PPIG: variants seen among roughly 807,000 people sequenced by gnomAD.
PPIG encodes peptidyl-prolyl cis-trans isomerase G.
Under a neutral mutation model 87.9 loss-of-function variants are expected in PPIG, and 26 were observed. The ratio of observed to expected loss-of-function variants is 0.30; its 90% CI spans 0.22 to 0.41. The LOEUF is 0.41. PPIG is among the 10% of genes least tolerant of loss of function. The pLI is 1.00. For missense variants in PPIG, 722 were observed against 879.4 expected (o/e 0.82, Z 2.26); for synonymous variants, 308 against 276.5 (o/e 1.11, Z -1.13).
intron 4 of PPIG, among the ~76,000 whole-genome samples, chr2:169,605,424 GC>G (rs1685296695): frequency 1.3e-5 from 2 of 151,994 alleles, no homozygotes; most frequent in African/African-American, 4.8e-5. Flanking sequence ...ATTCGCTTGA[GC>G]CCAGGAGGCG....
intron 9 of PPIG, among the ~76,000 whole-genome samples, chr2:169,628,939 CAAAA>C (rs71006010): frequency 3.2e-5 from 3 of 92,348 alleles, no homozygotes; most frequent in East Asian, 4.3e-4. Context: ...ACCCTGTCTC[CAAAA>C]AAAAAAAAAA....
At chr2:169,622,720 G>A (rs1446498124) in intron 9 of PPIG, among the ~76,000 whole-genome samples, 1 of 152,134 alleles carries the variant, frequency 6.6e-6, no homozygotes, top group Non-Finnish European at 1.5e-5. Flanking sequence ...ACACACACTT[G>A]GGCCCCTGTT....
At chr2:169,593,247 T>C (rs1684916970) in intron 1 of PPIG, among the ~76,000 whole-genome samples, 1 of 151,970 alleles carries the variant, frequency 6.6e-6, no homozygotes, top group African/African-American at 2.4e-5. Context: ...CAGGGTGGAG[T>C]GCAATGGCAC....
chr2:169,617,146 GTT>G (rs1349194959), intron 9 of PPIG, among the ~76,000 whole-genome samples: 3 of 152,084 alleles, frequency 2.0e-5, no homozygotes, highest in Admixed American at 6.5e-5. Flanking sequence ...TTTTTGTCAG[GTT>G]TGTCAAAGAT....
rs1046547982 is a variant in PPIG at position 169,638,082 on chromosome 2, C to G, written c.*559C>G. ...AGATGTATTTATATTGCACTTCATA[C>G]TCTATTCTTTATAGTTCGAGCCATA... is the stretch of plus-strand genomic sequence containing the variant. On this transcript the variant is annotated 3_prime_UTR_variant, in exon 14 of 14. Coordinates refer to ENST00000260970, the MANE Select transcript of PPIG (RefSeq NM_004792.3). The G allele has an allele frequency of 1.3e-5, 2 of 152,080 alleles. No homozygotes were observed. The highest frequency in any genetic ancestry group is 2.9e-5 in the Non-Finnish European group (2 of 67,992). 9.4% of individuals were successfully genotyped at this position (152,080 alleles called of 1,614,324 possible). A position where few individuals can be genotyped will look rare whatever the true frequency, so the allele number is the denominator to read the frequency against.
chr2:169,598,400 C>T (rs1375445489), intron 1 of PPIG, among the ~76,000 whole-genome samples: 1 of 152,078 alleles, frequency 6.6e-6, no homozygotes, highest in Non-Finnish European at 1.5e-5. Context: ...ACACCTTTCT[C>T]CTGCCTCAGC....
chr2:169,612,933 C>T (rs534056849), intron 7 of PPIG, among the ~76,000 whole-genome samples: 1 of 152,266 alleles, frequency 6.6e-6, no homozygotes, highest in East Asian at 1.9e-4. Flanking sequence ...ATAGTGGTTG[C>T]ACCATTCTAC....
intron 9 of PPIG, among the ~76,000 whole-genome samples, chr2:169,624,120 C>A (rs1044972443): frequency 2.6e-5 from 4 of 152,088 alleles, no homozygotes; most frequent in Non-Finnish European, 4.4e-5. Context: ...GTGTGCATTG[C>A]CACACCTGGC....
rs1172270622 is a variant in PPIG, at chr2:169,604,246, C to T, written c.121C>T (p.Arg41Cys). ...GTGCCCCAAAACATGCGAGAACTTT[C>T]GTTGTCTTTGTACAGGTTTGTTCAC... ...DVCPKTCENF[R>C]CLCTGEKGTG... Residue 41 changes from arginine to cysteine, a missense_variant, in exon 4 of 14, where the codon CGT (arginine) becomes TGT (cysteine). By Grantham distance (180) the Arg-to-Cys change is radical (BLOSUM62 -3). Coordinates refer to ENST00000260970, the MANE Select transcript of PPIG (RefSeq NM_004792.3). 5 of 1,601,676 alleles carry T rather than the reference C, an allele frequency of 3.1e-6. No individual in the cohort carries two copies. Among genetic ancestry groups the T allele is most frequent in the African/African-American group, 1.4e-5 (1 of 73,394 alleles).
intron 1 of PPIG, among the ~76,000 whole-genome samples, chr2:169,595,031 C>T (rs1684981237): frequency 6.6e-6 from 1 of 151,982 alleles, no homozygotes; most frequent in African/African-American, 2.4e-5. Context: ...CGGGTTCAAG[C>T]GATTCTCCTG....
At chr2:169,634,477 T>G (rs1686135274) in intron 12 of PPIG, among the ~76,000 whole-genome samples, 2 of 152,176 alleles carry the variant, frequency 1.3e-5, no homozygotes, top group African/African-American at 4.8e-5. Flanking sequence ...GTCAAATTTT[T>G]ATCGGCATTT....
rs1293303860 is a variant in PPIG at position 169,584,410 on chromosome 2, T to C, written c.-150T>C. ...GGGGGAGGGAGGCGGTTAGCGGGCT[T>C]TAGCGCCTTTTCTGGCGGCGGTAGA... is the stretch of plus-strand genomic sequence containing the variant. On this transcript the variant is annotated 5_prime_UTR_variant, in exon 1 of 14. Transcript: ENST00000260970. 3 of 471,066 alleles carry C rather than the reference T, an allele frequency of 6.4e-6. No individual in the cohort carries two copies. Among genetic ancestry groups the C allele is most frequent in the Non-Finnish European group, 1.3e-5 (3 of 227,012 alleles). 29.2% of individuals were successfully genotyped at this position (471,066 alleles called of 1,614,324 possible).
In PPIG at chr2:169,636,698, T is replaced by G. The variant is rs1686188652; in HGVS notation, c.1440T>G (p.Asn480Lys). ...SKERDSKHNR[N>K]EEKRMRSRSK... ...AAAGAGATTCAAAACATAATAGAAA[T>G]GAAGAAAAGAGGATGAGGTCAAGGA... The change falls in exon 14 of 14, where the codon AAT becomes AAG. Residue 480 changes from asparagine (N) to lysine (K), a missense_variant. By Grantham distance (94) the Asn-to-Lys change is moderately conservative. Around this residue, in one of 4 missense-constraint regions of PPIG, gnomAD observed 476 missense variants for 483.1 expected, o/e 0.99. Transcript: ENST00000260970. The G allele has an allele frequency of 3.1e-6, 5 of 1,606,270 alleles. No individual in the cohort carries two copies. The African/African-American group carries it at 5.4e-5, about 17-fold the overall frequency.
chr2:169,627,704 C>CTTTTTTTTTTTTTT (rs777197172), intron 9 of PPIG, among the ~76,000 whole-genome samples: 9 of 101,906 alleles, frequency 8.8e-5, no homozygotes, highest in African/African-American at 2.7e-4. Context: ...AGTGGGCTTG[C>CTTTTTTTTTTTTTT]TTTTTTTTTT....
At position 169,637,071 on chromosome 2, in the gene PPIG, C is replaced by T; in HGVS notation, c.1813C>T (p.Arg605Ter). Residue 605 changes from arginine (R) to a stop codon, truncating the protein, a stop_gained, in exon 14 of 14, where the codon CGA becomes TGA. Coordinates refer to ENST00000260970, the MANE Select transcript of PPIG (RefSeq NM_004792.3). LOFTEE classifies it high-confidence loss of function. ...GGAATACAGGAGAAGAGGACGGTCA[C>T]GAAGCCGAGAGAGAAGAACACCACC... Reference protein sequence around the residue: ...EQEYRRRGRSRSRERRTPPGR... With the variant: ...EQEYRRRGRS 1.2e-6 allele frequency: 2 copies of T among 1,613,110 alleles called. No individual in the cohort carries two copies. Among genetic ancestry groups the T allele is most frequent in the African/African-American group, 1.3e-5 (1 of 74,886 alleles).
chr2:169,632,694 G>A (rs767715760), intron 11 of PPIG, among the ~76,000 whole-genome samples: 11 of 152,080 alleles, frequency 7.2e-5, no homozygotes, highest in East Asian at 1.9e-4. Flanking sequence ...GCAGTGAGCC[G>A]AGATCACGGC....
intron 1 of PPIG, among the ~76,000 whole-genome samples, chr2:169,588,940 A>G (rs1469052705): frequency 6.9e-6 from 1 of 145,088 alleles, no homozygotes; most frequent in Non-Finnish European, 1.5e-5. Context: ...GCCTGGGCAC[A>G]AGAACGAAAC....
At chr2:169,634,279 C>T (rs1347407752) in intron 12 of PPIG, among the ~76,000 whole-genome samples, 1 of 152,040 alleles carries the variant, frequency 6.6e-6, no homozygotes, top group East Asian at 1.9e-4. Flanking sequence ...CCAGACTGGT[C>T]TTGAACTCCT....
intron 12 of PPIG, 83 bp from the exon 13 acceptor site, chr2:169,636,009 C>T (rs1686171806): frequency 2.9e-6 from 3 of 1,044,274 alleles, no homozygotes; most frequent in Non-Finnish European, 4.1e-6. Flanking sequence ...ACCCTCACCC[C>T]AGTACTTCCC....
Sources: gnomAD v4.1 joint callset for allele counts (sites outside exome capture counted in the v4.1 genomes callset) on GRCh38, gnomAD v4.1.1 for gene constraint, gnomAD v4.1.1 regional missense constraint, MANE v1.5 for transcripts, NCBI Gene and HGNC (gene_info 2026-07-23, HGNC 2026-07-21) for gene names.